The following MTSS2 variants were observed in gnomAD, a reference collection of about 807,000 sequenced individuals.
MTSS2 encodes the protein protein MTSS 2.
MTSS2 carries 27 observed loss-of-function variants against 67.1 expected under a neutral mutation model. The ratio of observed to expected loss-of-function variants is 0.40; its 90% CI spans 0.30 to 0.55. The LOEUF (loss-of-function observed/expected upper bound fraction) is 0.55. MTSS2 is among the 20% of genes least tolerant of loss of function. The pLI is 0.43. For synonymous variants in MTSS2, 624 were observed against 468.6 expected (o/e 1.33, Z -4.28); for missense variants, 1,171 against 1,067.8 (o/e 1.10, Z -1.35).
chr16:70,682,713 T>G (rs954493204), intron 1 of MTSS2, among the ~76,000 whole-genome samples: 11 of 146,416 alleles, frequency 7.5e-5, no homozygotes, highest in Non-Finnish European at 9.0e-5. Flanking sequence ...CTTATTTGTT[T>G]ATATCCGCCT....
intron 1 of MTSS2, among the ~76,000 whole-genome samples, chr16:70,681,295 G>T (rs1400597879): frequency 6.6e-6 from 1 of 152,222 alleles, no homozygotes; most frequent in Non-Finnish European, 1.5e-5. Context: ...GGCTACAGGG[G>T]GCTCACATCC....
Position 70,676,922 on chromosome 16 carries a change from T to C in MTSS2, c.789A>G (p.Ser263=). The change falls in exon 10 of 15, where the codon TCA becomes TCG. Residue 263 remains serine (S), a synonymous_variant. Transcript: ENST00000338779. The part of the protein sequence containing the change: ...DYSWSYQTPP[S]SPSSSSSRKS... ...TCCGGGAGCTGGAGCTGCTGGGTGA[T>C]GAGGGTGGGGTCTGGTAGGACCAGC... 6.2e-7 allele frequency: 1 copy of C among 1,613,854 alleles called. No homozygotes were observed. The highest frequency in any genetic ancestry group is 2.2e-5 in the East Asian group (1 of 44,872).
chr16:70,668,664 G>GTGAT (rs1418361187), intron 11 of MTSS2, among the ~76,000 whole-genome samples: 3 of 152,218 alleles, frequency 2.0e-5, no homozygotes, highest in African/African-American at 7.2e-5. Flanking sequence ...GTATTGAGAG[G>GTGAT]TGATTAGATC....
intron 1 of MTSS2, 51 bp downstream of exon 1, chr16:70,685,672 G>T: frequency 8.8e-7 from 1 of 1,136,276 alleles, no homozygotes; most frequent in Non-Finnish European, 1.1e-6. Context: ...CGCGTCCCCG[G>T]GGGGTCCCGC....
At chr16:70,673,319 G>A (rs947641177) in intron 11 of MTSS2, among the ~76,000 whole-genome samples, 8 of 152,090 alleles carry the variant, frequency 5.3e-5, no homozygotes, top group African/African-American at 1.9e-4. Context: ...AGTGCCCAGA[G>A]AGAGACTCAG....
rs894075299 is a variant in MTSS2, at chr16:70,681,380, T to C, written c.70-355A>G. 3.3e-5 allele frequency among the ~76,000 whole-genome samples: 5 copies of C among 152,332 alleles called. 1 individual carries two copies. Among genetic ancestry groups the C allele is most frequent in the Admixed American group, 1.3e-4 (2 of 15,314 alleles). ...TTTCCCAGGGGCCTGGCAGGGGATC[T>C]GGGCTGAGCCCAATGAGAGGCATCG... On this transcript the variant is annotated intron_variant, in intron 1 of 14. Transcript: ENST00000338779.
intron 11 of MTSS2, among the ~76,000 whole-genome samples, chr16:70,672,654 A>T (rs1297959628): frequency 6.7e-6 from 1 of 150,206 alleles, no homozygotes; most frequent in African/African-American, 2.5e-5. Flanking sequence ...ACCCAAACAA[A>T]AAACCCTCAG....
chr16:70,666,373 G>A (rs995965385), intron 11 of MTSS2, among the ~76,000 whole-genome samples: 1 of 152,186 alleles, frequency 6.6e-6, no homozygotes, highest in Admixed American at 6.5e-5. Context: ...TAGGTGTTCT[G>A]CGAGGCCCCC....
At chr16:70,667,976 GTTTT>G (rs11381159) in intron 11 of MTSS2, among the ~76,000 whole-genome samples, 1 of 143,666 alleles carries the variant, frequency 7.0e-6, no homozygotes, top group Non-Finnish European at 1.5e-5. Flanking sequence ...AATCCCAGGA[GTTTT>G]TTTTTTTTTT....
At position 70,664,930 on chromosome 16, in the gene MTSS2, A is replaced by G. The variant is rs773116154; in HGVS notation, c.1295T>C (p.Ile432Thr). The change falls in exon 13 of 15, where the codon ATC (isoleucine) becomes ACC (threonine). Residue 432 changes from isoleucine to threonine, a missense_variant. By Grantham distance (89) the Ile-to-Thr change is moderately conservative. Around this residue, in one of 2 missense-constraint regions of MTSS2, gnomAD observed 924 missense variants for 756.0 expected, o/e 1.22. Coordinates refer to ENST00000338779, the MANE Select transcript of MTSS2 (RefSeq NM_138383.3). Reference sequence around the variant, plus strand: ...CCCTGGCCAGCCTACCTTGGCTGCGATGGTGGCAGGGGACATCCGGGGTCG... The same window carrying G: ...CCCTGGCCAGCCTACCTTGGCTGCGGTGGTGGCAGGGGACATCCGGGGTCG... ...APRPRMSPAT[I>T]AAKHGEEVSP... The G allele has an allele frequency of 4.5e-5, 70 of 1,551,510 alleles. No individual in the cohort carries two copies. Among genetic ancestry groups the G allele is most frequent in the Non-Finnish European group, 6.0e-5 (69 of 1,154,400 alleles).
intron 11 of MTSS2, 84 bp downstream of exon 11, chr16:70,674,207 GTAGTCTCAACAGCTA>G: frequency 1.7e-5 from 3 of 180,788 alleles, no homozygotes; most frequent in Non-Finnish European, 2.7e-5. Flanking sequence ...AACAGCTATA[GTAGTCTCAACAGCTA>G]TAGTAGTCCC....
In MTSS2 at chr16:70,680,069, C is replaced by G. The variant is rs1271671228; in HGVS notation, c.206-14G>C. ...CCCTCGTGGCCCCTGGCGAGGCAAG[C>G]GCGGGGTGGGAAGGGGCCCGCTGGG... On this transcript the variant is annotated splice_polypyrimidine_tract_variant and intron_variant, in intron 3 of 14. Coordinates refer to ENST00000338779, the MANE Select transcript of MTSS2 (RefSeq NM_138383.3). 2.3e-5 allele frequency: 35 copies of G among 1,493,642 alleles called. No individual in the cohort carries two copies. Among genetic ancestry groups the G allele is most frequent in the East Asian group, 1.4e-4 (5 of 36,450 alleles). 92.5% of individuals were successfully genotyped at this position (1,493,642 alleles called of 1,614,324 possible). A position where few individuals can be genotyped will look rare whatever the true frequency, so the allele number is the denominator to read the frequency against.
chr16:70,675,662 T>A (rs1597816585), intron 10 of MTSS2, among the ~76,000 whole-genome samples: 1 of 152,316 alleles, frequency 6.6e-6, no homozygotes, highest in East Asian at 1.9e-4. Context: ...GTGATCCGCC[T>A]GCCTCGGCCT....
Position 70,664,014 on chromosome 16 carries a change from T to G in MTSS2, c.1907A>C (p.Lys636Thr), listed in dbSNP as rs1282087077. ...LAPDLAKASPKRLSLPNTAWG... is the reference protein window; with the variant it reads ...LAPDLAKASPTRLSLPNTAWG... ...GGCTGTGTTGGGCAGGCTGAGCCTC[T>G]TTGGGGAGGCCTTGGCGAGGTCCGG... Residue 636 changes from lysine (K) to threonine (T), a missense_variant, in exon 15 of 15, where the codon AAG (lysine) becomes ACG (threonine). Physicochemically the swap from Lys to Thr is moderately conservative, Grantham distance 78. Coordinates refer to ENST00000338779, the MANE Select transcript of MTSS2 (RefSeq NM_138383.3). 5 of 1,604,188 alleles carry G rather than the reference T, an allele frequency of 3.1e-6. No individual in the cohort carries two copies. Among genetic ancestry groups the G allele is most frequent in the Non-Finnish European group, 4.3e-6 (5 of 1,176,338 alleles).
At chr16:70,667,976 GTT>G (rs11381159) in intron 11 of MTSS2, among the ~76,000 whole-genome samples, 5 of 143,676 alleles carry the variant, frequency 3.5e-5, no homozygotes, top group Non-Finnish European at 6.1e-5. Flanking sequence ...AATCCCAGGA[GTT>G]TTTTTTTTTT....
intron 7 of MTSS2, 96 bp downstream of exon 7, chr16:70,679,219 C>T: frequency 1.3e-6 from 2 of 1,483,014 alleles, no homozygotes; most frequent in South Asian, 1.1e-5. Context: ...TTCTCCTTGG[C>T]CTGGAGAGGT....
chr16:70,663,334 G>C lies in MTSS2; in HGVS notation c.*343C>G. ...CTGGGAGAGGCCGGGATGGTGAAAG[G>C]GAGGCCAGCCTGGCCCCTCTGTCAT... On this transcript the variant is annotated 3_prime_UTR_variant, in exon 15 of 15. Transcript: ENST00000338779. 1 of 307,240 alleles carries C rather than the reference G, an allele frequency of 3.3e-6. No individual in the cohort carries two copies. The highest frequency in any genetic ancestry group is 6.0e-6 in the Non-Finnish European group (1 of 166,916). The allele number at this position is 307,240 out of a possible 1,614,324, so 19.0% of individuals were successfully genotyped here.
At chr16:70,680,912 G>C in intron 2 of MTSS2, 45 bp from the exon 3 acceptor site, 3 of 1,445,164 alleles carry the variant, frequency 2.1e-6, no homozygotes, top group Non-Finnish European at 1.9e-6. Context: ...GTTGGGCGGG[G>C]GGGGGGCCTC....
At chr16:70,674,981 C>T (rs539544555) in intron 10 of MTSS2, among the ~76,000 whole-genome samples, 27 of 152,214 alleles carry the variant, frequency 1.8e-4, no homozygotes, top group Admixed American at 1.5e-3. Flanking sequence ...GGCATGGTGG[C>T]GCATGCCTGT....
Sources: allele counts gnomAD v4.1 joint callset (sites outside exome capture counted in the v4.1 genomes callset), GRCh38; gene constraint gnomAD v4.1.1; regional missense constraint gnomAD v4.1.1; transcripts MANE v1.5; gene names NCBI Gene and HGNC (gene_info 2026-07-23, HGNC 2026-07-21).